ACOXL: variants seen among roughly 807,000 people sequenced by gnomAD.
ACOXL encodes acyl-coenzyme A oxidase-like protein.
In ACOXL, 70 loss-of-function variants were observed where a neutral mutation model predicts 71.9. The observed-to-expected ratio is 0.97, with a 90% CI of 0.80 to 1.19. The LOEUF is 1.19. ACOXL is among the 50% of genes most tolerant of loss of function. ACOXL has a pLI of 0.00. For synonymous variants in ACOXL, 253 were observed against 281.6 expected (o/e 0.90, Z 1.02); for missense variants, 703 against 736.3 (o/e 0.95, Z 0.52).
chr2:110,786,447 G>T (rs1049662012), intron 3 of ACOXL, among the ~76,000 whole-genome samples: 1 of 152,228 alleles, frequency 6.6e-6, no homozygotes, highest in African/African-American at 2.4e-5. Context: ...TGGGTTGGCT[G>T]TGGCTTTCAG....
chr2:110,986,082 C>G (rs1235081989), intron 12 of ACOXL, among the ~76,000 whole-genome samples: 1 of 152,094 alleles, frequency 6.6e-6, no homozygotes, highest in African/African-American at 2.4e-5. Flanking sequence ...CTGGAAACAA[C>G]CTAAGTATCC....
In ACOXL at chr2:111,118,238, A is replaced by G. The variant is rs2070484938; in HGVS notation, c.*422A>G. Reference sequence around the variant, plus strand: ...CGAGTGAAAGAAAAAAAAAAAAGCAAACACCCTTAGACAAAAGAAAAAAGC... The same window carrying G: ...CGAGTGAAAGAAAAAAAAAAAAGCAGACACCCTTAGACAAAAGAAAAAAGC... On this transcript the variant is annotated 3_prime_UTR_variant, in exon 18 of 18. Transcript: ENST00000439055. 4.4e-6 allele frequency: 1 copy of G among 228,376 alleles called. No individual in the cohort carries two copies. Among genetic ancestry groups the G allele is most frequent in the Admixed American group, 5.3e-5 (1 of 18,698 alleles). The allele number at this position is 228,376 out of a possible 1,614,324, so 14.1% of individuals were successfully genotyped here.
chr2:110,802,833 G>C (rs1171539066), intron 8 of ACOXL, among the ~76,000 whole-genome samples: 2 of 152,110 alleles, frequency 1.3e-5, no homozygotes, highest in Non-Finnish European at 2.9e-5. Context: ...CGTGATAATA[G>C]TTAACAATAA....
At chr2:110,832,797 A>G (rs1376261285) in intron 9 of ACOXL, among the ~76,000 whole-genome samples, 1 of 152,258 alleles carries the variant, frequency 6.6e-6, no homozygotes, top group Non-Finnish European at 1.5e-5. Flanking sequence ...TGAAAAAGAC[A>G]TACAGATGGC....
intron 17 of ACOXL, chr2:111,099,058 G>T (rs182928127): frequency 2.6e-5 from 4 of 152,304 alleles, no homozygotes; most frequent in East Asian, 1.9e-4. Context: ...AATCCCAAAT[G>T]GAGGTGGGTT....
chr2:111,042,962 G>A (rs964250109), intron 15 of ACOXL, among the ~76,000 whole-genome samples: 1 of 152,212 alleles, frequency 6.6e-6, no homozygotes, highest in African/African-American at 2.4e-5. Flanking sequence ...GTGGCCCATT[G>A]CCATCCTGGA....
rs772178737 is a variant in ACOXL, at chr2:110,953,983, C to T, written c.1059+20341C>T. On this transcript the variant is annotated intron_variant, in intron 12 of 17. Transcript: ENST00000439055. ...GTTGGACATGAGATTTGAGTGGGGACACAGATCCAAACTATGTCAGTGTCT... is the reference window on the plus strand; with the variant it reads ...GTTGGACATGAGATTTGAGTGGGGATACAGATCCAAACTATGTCAGTGTCT... Among the ~76,000 whole-genome samples the T allele has an allele frequency of 8.3e-4, 126 of 152,212 alleles. 1 individual carries two copies. Among genetic ancestry groups the T allele is most frequent in the Non-Finnish European group, 1.9e-4 (13 of 68,042 alleles).
At chr2:110,776,916 G>A (rs1401459855) in intron 2 of ACOXL, among the ~76,000 whole-genome samples, 1 of 151,852 alleles carries the variant, frequency 6.6e-6, no homozygotes, top group Non-Finnish European at 1.5e-5. Flanking sequence ...GGACCAGAGT[G>A]ACTGCAGTCA....
At chr2:111,039,805 A>G (rs2065690051) in intron 15 of ACOXL, among the ~76,000 whole-genome samples, 1 of 152,238 alleles carries the variant, frequency 6.6e-6, no homozygotes, top group Non-Finnish European at 1.5e-5. Flanking sequence ...ACTTTGCAGT[A>G]GAGCTGGCTT....
chr2:111,036,446 G>T (rs971144316), intron 15 of ACOXL, among the ~76,000 whole-genome samples: 1 of 152,190 alleles, frequency 6.6e-6, no homozygotes, highest in African/African-American at 2.4e-5. Flanking sequence ...CCAGTGAGAA[G>T]GTCTGTTGCA....
intron 17 of ACOXL, chr2:111,093,581 C>G: frequency 8.1e-6 from 13 of 1,596,836 alleles, no homozygotes; most frequent in Non-Finnish European, 1.1e-5. Flanking sequence ...AACATAAATA[C>G]TGGCCAGGTG....
chr2:111,095,391 C>CTTTTTT (rs780172456), intron 17 of ACOXL, among the ~76,000 whole-genome samples: 508 of 116,338 alleles, frequency 4.4e-3, no homozygotes, highest in Non-Finnish European at 5.4e-3. Context: ...TTTTCTTTTT[C>CTTTTTT]TTTTTTTTTT....
intron 10 of ACOXL, among the ~76,000 whole-genome samples, chr2:110,846,014 T>C (rs1691794249): frequency 6.6e-6 from 1 of 152,208 alleles, no homozygotes; most frequent in Non-Finnish European, 1.5e-5. Context: ...CCATACTGTT[T>C]TCCTATCGAT....
intron 12 of ACOXL, among the ~76,000 whole-genome samples, chr2:110,959,966 C>T (rs2061640372): frequency 6.6e-6 from 1 of 152,124 alleles, no homozygotes; most frequent in Non-Finnish European, 1.5e-5. Context: ...CAGTCAGATC[C>T]AGGGGCTGGA....
At chr2:110,933,974 C>T (rs1338414422) in intron 12 of ACOXL, among the ~76,000 whole-genome samples, 1 of 152,172 alleles carries the variant, frequency 6.6e-6, no homozygotes, top group Admixed American at 6.5e-5. Context: ...ATGTTTTAAT[C>T]CCTTGGGAGA....
At chr2:110,957,087 A>T (rs558074478) in intron 12 of ACOXL, among the ~76,000 whole-genome samples, 1 of 152,050 alleles carries the variant, frequency 6.6e-6, no homozygotes, top group Non-Finnish European at 1.5e-5. Flanking sequence ...TCTCCTGCTT[A>T]GGAATAAAGT....
chr2:110,993,132 A>G (rs2063247223), intron 13 of ACOXL, among the ~76,000 whole-genome samples: 2 of 152,248 alleles, frequency 1.3e-5, no homozygotes, highest in African/African-American at 4.8e-5. Flanking sequence ...CTACAGTTAC[A>G]TATTTAGTTA....
intron 10 of ACOXL, among the ~76,000 whole-genome samples, chr2:110,907,336 G>C (rs1242445697): frequency 1.3e-5 from 2 of 152,160 alleles, no homozygotes; most frequent in African/African-American, 2.4e-5. Context: ...TCTCCAAATA[G>C]TCACATTGGT....
chr2:110,846,641 G>GCGCACACACACACACACACACACACACA (rs148602789), intron 10 of ACOXL, among the ~76,000 whole-genome samples: 2 of 137,926 alleles, frequency 1.5e-5, no homozygotes, highest in Non-Finnish European at 3.1e-5. Flanking sequence ...ATGCATACAC[G>GCGCACACACACACACACACACACACACA]CACACACACA....
Sources: gnomAD v4.1 joint callset for allele counts (sites outside exome capture counted in the v4.1 genomes callset) on GRCh38, gnomAD v4.1.1 for gene constraint, MANE v1.5 for transcripts, NCBI Gene and HGNC (gene_info 2026-07-23, HGNC 2026-07-21) for gene names.